SGCZ: variants seen among roughly 807,000 people sequenced by gnomAD.
The protein encoded by SGCZ is sarcoglycan zeta.
Under a neutral mutation model 41.3 loss-of-function variants are expected in SGCZ, and 40 were observed. The observed-to-expected ratio is 0.97, with a 90% CI of 0.75 to 1.26. The LOEUF (loss-of-function observed/expected upper bound fraction) is 1.26, where lower values mean the gene tolerates loss of function less well. Among genes scored for constraint, SGCZ ranks in the 50% most tolerant of loss-of-function variants. The pLI, the probability that SGCZ is intolerant of heterozygous loss-of-function variation, is 0.00. For missense variants in SGCZ, 552 were observed against 369.8 expected (o/e 1.49, Z -4.04); for synonymous variants, 206 against 137.5 (o/e 1.50, Z -3.49).
intron 1 of SGCZ, among the ~76,000 whole-genome samples, chr8:14,702,820 GATAGATAGATAGATAGATAGA>G (rs1809192648): frequency 6.2e-4 from 8 of 12,888 alleles, no homozygotes; most frequent in South Asian, 1.7e-3. Flanking sequence ...TAGGTAGATA[GATAGATAGATAGATAGATAGA>G]TAGATAGATA....
chr8:15,036,663 G>T (rs1025303942), intron 1 of SGCZ, among the ~76,000 whole-genome samples: 1 of 152,060 alleles, frequency 6.6e-6, no homozygotes, highest in African/African-American at 2.4e-5. Flanking sequence ...AACATTTAAA[G>T]AATTAATACC....
At chr8:14,589,995 G>A (rs1043170105) in intron 1 of SGCZ, among the ~76,000 whole-genome samples, 2 of 152,020 alleles carry the variant, frequency 1.3e-5, no homozygotes, top group East Asian at 1.9e-4. Context: ...TTTGCCCTAC[G>A]GAGTGATTCA....
At chr8:14,537,688 T>C (rs887710642) in intron 2 of SGCZ, among the ~76,000 whole-genome samples, 12 of 151,844 alleles carry the variant, frequency 7.9e-5, no homozygotes, top group Non-Finnish European at 1.5e-4. Context: ...GAAAACATAC[T>C]AATAATATGA....
intron 4 of SGCZ, among the ~76,000 whole-genome samples, chr8:14,215,303 A>G (rs1805956122): frequency 6.6e-6 from 1 of 152,180 alleles, no homozygotes; most frequent in Non-Finnish European, 1.5e-5. Context: ...AAATACATAC[A>G]TATGTGTATA....
chr8:14,867,259 C>A (rs1163544657), intron 1 of SGCZ, among the ~76,000 whole-genome samples: 1 of 152,110 alleles, frequency 6.6e-6, no homozygotes, highest in Non-Finnish European at 1.5e-5. Flanking sequence ...GATCTCCATC[C>A]ATATCCCTGC....
chr8:14,846,362 A>C (rs1373035719), intron 1 of SGCZ, among the ~76,000 whole-genome samples: 1 of 152,038 alleles, frequency 6.6e-6, no homozygotes, highest in Non-Finnish European at 1.5e-5. Context: ...TGGACCAAAA[A>C]CTTAATATAT....
chr8:14,785,159 C>T (rs73533006), intron 1 of SGCZ, among the ~76,000 whole-genome samples: 8,788 of 150,594 alleles, frequency 0.058, 791 homozygotes, highest in African/African-American at 0.19. Flanking sequence ...ATGATAATCC[C>T]AGTGTTTTAT....
chr8:14,613,573 A>G (rs1585125645), intron 1 of SGCZ, among the ~76,000 whole-genome samples: 2 of 152,268 alleles, frequency 1.3e-5, no homozygotes, highest in East Asian at 3.9e-4. Context: ...CTTTCTTCCT[A>G]TGCTCAATCA....
At chr8:15,027,239 T>C (rs933768685) in intron 1 of SGCZ, among the ~76,000 whole-genome samples, 6 of 152,128 alleles carry the variant, frequency 3.9e-5, no homozygotes, top group Non-Finnish European at 8.8e-5. Context: ...TTCCAGGAAG[T>C]TCTAGAATAA....
At chr8:14,442,897 A>G (rs543093275) in intron 2 of SGCZ, among the ~76,000 whole-genome samples, 55 of 152,290 alleles carry the variant, frequency 3.6e-4, no homozygotes, top group African/African-American at 1.2e-3. Context: ...ACATGATTGT[A>G]TATCTAGAAA....
rs559166415 is a variant in SGCZ, at chr8:15,231,218, C to T, written c.39+6367G>A. On this transcript the variant is annotated intron_variant, in intron 1 of 7. Transcript: ENST00000382080. Reference sequence around the variant, plus strand: ...CATTGCCATGATAATTAAAGCTTTTCTGGCTGGATGCTAAAATCCTCTATT... The same window carrying T: ...CATTGCCATGATAATTAAAGCTTTTTTGGCTGGATGCTAAAATCCTCTATT... 3.8e-4 allele frequency among the ~76,000 whole-genome samples: 58 copies of T among 152,240 alleles called. 1 individual carries two copies. Among genetic ancestry groups the T allele is most frequent in the African/African-American group, 1.3e-3 (56 of 41,556 alleles).
At chr8:15,101,668 C>T (rs1005728636) in intron 1 of SGCZ, among the ~76,000 whole-genome samples, 6 of 152,096 alleles carry the variant, frequency 3.9e-5, no homozygotes, top group Non-Finnish European at 8.8e-5. Flanking sequence ...CGGTGGCTCA[C>T]GCATGTAATC....
chr8:14,900,123 C>G (rs959671805), intron 1 of SGCZ, among the ~76,000 whole-genome samples: 2 of 152,032 alleles, frequency 1.3e-5, no homozygotes, highest in African/African-American at 4.8e-5. Context: ...CTTTCTATAA[C>G]AATTTTATCA....
chr8:14,783,458 A>G (rs534843762), intron 1 of SGCZ, among the ~76,000 whole-genome samples: 1 of 152,144 alleles, frequency 6.6e-6, no homozygotes, highest in African/African-American at 2.4e-5. Flanking sequence ...AGGAAAGAAA[A>G]GGAAAAAAAA....
At chr8:14,662,363 A>G (rs1807781737) in intron 1 of SGCZ, among the ~76,000 whole-genome samples, 1 of 152,184 alleles carries the variant, frequency 6.6e-6, no homozygotes, top group Admixed American at 6.5e-5. Flanking sequence ...CTCATGTGAA[A>G]TGGGCAATAT....
chr8:15,041,199 C>T (rs1315853923), intron 1 of SGCZ, among the ~76,000 whole-genome samples: 1 of 151,574 alleles, frequency 6.6e-6, no homozygotes, highest in Non-Finnish European at 1.5e-5. Context: ...AATATTTCCT[C>T]ATGATCTGGC....
At chr8:14,147,510 GA>G (rs1326806894) in intron 5 of SGCZ, among the ~76,000 whole-genome samples, 2 of 152,096 alleles carry the variant, frequency 1.3e-5, no homozygotes, top group Non-Finnish European at 2.9e-5. Context: ...TCAGCAAGAG[GA>G]TATAACAATT....
At chr8:14,944,113 G>C (rs1004472278) in intron 1 of SGCZ, among the ~76,000 whole-genome samples, 3 of 152,048 alleles carry the variant, frequency 2.0e-5, no homozygotes, top group Admixed American at 2.0e-4. Context: ...GTCTAACTTA[G>C]CCATCCTCTC....
intron 1 of SGCZ, among the ~76,000 whole-genome samples, chr8:14,711,438 A>G (rs1194406199): frequency 5.2e-5 from 2 of 38,104 alleles, no homozygotes; most frequent in African/African-American, 2.0e-4. Context: ...AAAAATACAA[A>G]AAAAAAAAAA....
Sources: gnomAD v4.1 joint callset for allele counts (sites outside exome capture counted in the v4.1 genomes callset) on GRCh38, gnomAD v4.1.1 for gene constraint, MANE v1.5 for transcripts, NCBI Gene and HGNC (gene_info 2026-07-23, HGNC 2026-07-21) for gene names.